PTPRB: variants seen among roughly 807,000 people sequenced by gnomAD.
The protein encoded by PTPRB is protein tyrosine phosphatase receptor type B, also known as receptor-type tyrosine-protein phosphatase beta.
In PTPRB, 97 loss-of-function variants were observed where a neutral mutation model predicts 238.1. The observed-to-expected ratio is 0.41, with a 90% confidence interval of 0.35 to 0.48. The LOEUF is 0.48. Ranked by LOEUF, PTPRB falls within the 20% of genes least tolerant of loss-of-function variation. PTPRB has a pLI of 0.30. For missense variants in PTPRB, 2,292 were observed against 2,681.9 expected (o/e 0.85, Z 3.21); for synonymous variants, 970 against 995.4 (o/e 0.97, Z 0.48).
At chr12:70,588,183 T>G (rs1882134257) in intron 8 of PTPRB, among the ~76,000 whole-genome samples, 1 of 152,146 alleles carries the variant, frequency 6.6e-6, no homozygotes, top group Non-Finnish European at 1.5e-5. Context: ...TATTAAAAAT[T>G]TTCTTGTAAA....
At chr12:70,568,598 G>A (rs991539287) in intron 14 of PTPRB, among the ~76,000 whole-genome samples, 3 of 152,072 alleles carry the variant, frequency 2.0e-5, no homozygotes, top group Non-Finnish European at 4.4e-5. Flanking sequence ...CGCCTGGCCC[G>A]AATGCCCACT....
At chr12:70,615,508 T>C (rs1884639348) in intron 3 of PTPRB, among the ~76,000 whole-genome samples, 1 of 152,216 alleles carries the variant, frequency 6.6e-6, no homozygotes, top group South Asian at 2.1e-4. Flanking sequence ...TTTTATTTTG[T>C]TTTAATTTGA....
chr12:70,581,806 T>C (rs1046550377), intron 9 of PTPRB, among the ~76,000 whole-genome samples: 4 of 150,524 alleles, frequency 2.7e-5, no homozygotes. Flanking sequence ...GTGATAATAA[T>C]ATAAATTATA....
chr12:70,528,064 A>G (rs1465395051), intron 32 of PTPRB, among the ~76,000 whole-genome samples: 3 of 152,244 alleles, frequency 2.0e-5, no homozygotes, highest in Non-Finnish European at 4.4e-5. Context: ...AACCGTGACT[A>G]CTTTTGCACC....
chr12:70,562,176 C>T (rs566432570), intron 16 of PTPRB, among the ~76,000 whole-genome samples: 6 of 152,096 alleles, frequency 3.9e-5, no homozygotes, highest in South Asian at 2.1e-4. Flanking sequence ...CCCAGCTACT[C>T]GGGAGGCTGA....
Position 70,635,938 on chromosome 12 carries a change from G to A in PTPRB, c.184C>T (p.His62Tyr). The A allele has an allele frequency of 6.2e-7, 1 of 1,613,722 alleles. No homozygotes were observed. Among genetic ancestry groups the A allele is most frequent in the Non-Finnish European group, 8.5e-7 (1 of 1,179,822 alleles). The change falls in exon 2 of 34, where the codon CAT becomes TAT. Residue 62 changes from histidine (H) to tyrosine (Y), a missense_variant. By Grantham distance (83) the His-to-Tyr change is moderately conservative. Coordinates refer to ENST00000334414, the MANE Select transcript of PTPRB (RefSeq NM_001109754.4). ...WMWTEDEKLL[H>Y]VKSALCLAIS... ...GCCAAGCACAGTGCAGATTTAACAT[G>A]AAGGAGCTTTTCATCCTCAGTCCAC...
In PTPRB at chr12:70,587,116, A is replaced by G. The variant is rs911924161; in HGVS notation, c.2202T>C (p.Asp734=). The G allele has an allele frequency of 6.2e-7, 1 of 1,613,862 alleles. No individual in the cohort carries two copies. Among genetic ancestry groups the G allele is most frequent in the Non-Finnish European group, 8.5e-7 (1 of 1,179,878 alleles). ...GGTCAGTAAAAGTGAATTCTTTGGC[A>G]TCTTTGGAGAGTGACTTGTGGATCA... ...LLLIHKSLSK[D]AKEFTFTDLV... Residue 734 remains aspartate, a synonymous_variant, in exon 9 of 34, where the codon GAT becomes GAC. Coordinates refer to ENST00000334414, the MANE Select transcript of PTPRB (RefSeq NM_001109754.4).
At chr12:70,628,456 T>C (rs1885302548) in intron 2 of PTPRB, among the ~76,000 whole-genome samples, 1 of 152,190 alleles carries the variant, frequency 6.6e-6, no homozygotes, top group Non-Finnish European at 1.5e-5. Context: ...TGGAATGACA[T>C]AGGCATGGCC....
At chr12:70,537,981 G>A (rs17814313) in intron 28 of PTPRB, 174 bp downstream of exon 28, 70,842 of 519,282 alleles carry the variant, frequency 0.14, 5,456 homozygotes, top group South Asian at 0.2. Context: ...AAAATGTGGC[G>A]TAGCAGGAAC....
rs766272295 is a variant in PTPRB, at chr12:70,539,971, T to C, written c.5646A>G (p.Pro1882=). 4.3e-6 allele frequency: 7 copies of C among 1,612,652 alleles called. No homozygotes were observed. The highest frequency in any genetic ancestry group is 5.9e-6 in the Non-Finnish European group (7 of 1,178,620). ...SARLSIRRDR[P]LSVHLNLGQK... ...GGCCCAGGTTTAAGTGGACAGATAA[T>C]GGTCGATCCCTACGAATGCTCAGAC... The change falls in exon 24 of 34, where the codon CCA becomes CCG. Residue 1882 remains proline (P), a synonymous_variant. Transcript: ENST00000334414.
rs200539991 is a variant in PTPRB, at chr12:70,594,631, C to T, written c.1352G>A (p.Arg451Gln). The change falls in exon 6 of 34, where the codon CGG becomes CAG. Residue 451 changes from arginine to glutamine, a missense_variant. By Grantham distance (43) the Arg-to-Gln change is conservative. This residue lies in a region of PTPRB where 1,205 missense variants were observed against 1,287.8 expected (regional missense o/e 0.94). Transcript: ENST00000334414. ...SHGSGNVERY[R>Q]LMLMDKGILV... ...GATCCCTTTATCCATTAGCATCAGC[C>T]GGTATCGTTCCACATTCCCAGAACC... The T allele has an allele frequency of 6.5e-5, 105 of 1,613,872 alleles. 1 individual carries two copies. Among genetic ancestry groups the T allele is most frequent in the Non-Finnish European group, 8.1e-5 (96 of 1,179,912 alleles).
chr12:70,579,572 C>T lies in PTPRB; in HGVS notation c.2578+1464G>A, dbSNP rs143094614. ...ATTAGCTGGGCGTGGTGGTGCGTGC[C>T]TGTAATCCCAGCTACTCGGGAGACT... is the stretch of plus-strand genomic sequence containing the variant. On this transcript the variant is annotated intron_variant, in intron 10 of 33. Coordinates refer to ENST00000334414, the MANE Select transcript of PTPRB (RefSeq NM_001109754.4). Among the ~76,000 whole-genome samples the T allele has an allele frequency of 1.9e-3, 282 of 151,976 alleles. 2 individuals are homozygous for T. The highest frequency in any genetic ancestry group is 5.7e-3 in the African/African-American group (235 of 41,454).
At chr12:70,532,222 AAGATTGCATCTAG>A (rs1873363945) in intron 31 of PTPRB, 52 bp from the exon 32 acceptor site, 2 of 1,522,568 alleles carry the variant, frequency 1.3e-6, no homozygotes, top group Non-Finnish European at 1.8e-6. Context: ...TTTGCCTTTC[AAGATTGCATCTAG>A]AGACTCTGGC....
intron 16 of PTPRB, among the ~76,000 whole-genome samples, chr12:70,562,482 CCTG>C (rs1296451354): frequency 6.6e-6 from 1 of 152,142 alleles, no homozygotes; most frequent in African/African-American, 2.4e-5. Flanking sequence ...CTTCTCTGCT[CCTG>C]CTCTCCTCTC....
At chr12:70,574,150 T>C (rs1880430957) in intron 11 of PTPRB, among the ~76,000 whole-genome samples, 1 of 152,198 alleles carries the variant, frequency 6.6e-6, no homozygotes, top group Admixed American at 6.5e-5. Context: ...TGGTATATAT[T>C]AGGGGTTTCT....
chr12:70,611,160 CA>C (rs1370925397), intron 3 of PTPRB, among the ~76,000 whole-genome samples: 5 of 152,140 alleles, frequency 3.3e-5, no homozygotes, highest in African/African-American at 1.2e-4. Context: ...GGAAGGATGG[CA>C]TATTCCTTTC....
chr12:70,581,870 G>A (rs1592530180), intron 9 of PTPRB, among the ~76,000 whole-genome samples: 1 of 151,648 alleles, frequency 6.6e-6, no homozygotes, highest in Non-Finnish European at 1.5e-5. Context: ...GGCCTACTAT[G>A]TGCCAGTTAT....
chr12:70,571,935 A>G lies in PTPRB; in HGVS notation c.2995T>C (p.Ser999Pro). ...TGAACAAATACACATTCGTTTTCTGACTTGGGAATGCTTTTAGTTTGAATG... is the reference window on the plus strand; with the variant it reads ...TGAACAAATACACATTCGTTTTCTGGCTTGGGAATGCTTTTAGTTTGAATG... ...NFIQTKSIPKSENECVFVQLV... is the reference protein window; with the variant it reads ...NFIQTKSIPKPENECVFVQLV... The change falls in exon 12 of 34, where the codon TCA becomes CCA. Residue 999 changes from serine (S) to proline (P), a missense_variant. Physicochemically the swap from Ser to Pro is moderately conservative, Grantham distance 74. Coordinates refer to ENST00000334414, the MANE Select transcript of PTPRB (RefSeq NM_001109754.4). The G allele has an allele frequency of 1.2e-6, 2 of 1,613,958 alleles. No homozygotes were observed. Among genetic ancestry groups the G allele is most frequent in the Non-Finnish European group, 1.7e-6 (2 of 1,179,876 alleles).
intron 21 of PTPRB, among the ~76,000 whole-genome samples, chr12:70,548,979 G>T (rs765124368): frequency 6.6e-6 from 1 of 152,130 alleles, no homozygotes; most frequent in Non-Finnish European, 1.5e-5. Context: ...AACCTTCACA[G>T]AATTTATTTT....
Sources: allele counts gnomAD v4.1 joint callset (sites outside exome capture counted in the v4.1 genomes callset), GRCh38; gene constraint gnomAD v4.1.1; regional missense constraint gnomAD v4.1.1; transcripts MANE v1.5; gene names NCBI Gene and HGNC (gene_info 2026-07-23, HGNC 2026-07-21).